The following GAK variants were observed in gnomAD, a reference collection of about 807,000 sequenced individuals.
GAK encodes the protein cyclin-G-associated kinase.
Under a neutral mutation model 143.9 loss-of-function variants are expected in GAK, and 79 were observed. The ratio of observed to expected loss-of-function variants is 0.55; its 90% confidence interval spans 0.46 to 0.66. GAK has a LOEUF of 0.66. Ranked by LOEUF, GAK falls within the 30% of genes least tolerant of loss-of-function variation. The probability of loss-of-function intolerance (pLI) is 0.00; values close to 1 mark genes in which losing one functional copy is unlikely to be tolerated. For synonymous variants in GAK, 881 were observed against 765.5 expected (o/e 1.15, Z -2.49); for missense variants, 1,693 against 1,779.7 (o/e 0.95, Z 0.88).
chr4:900,270 G>A lies in GAK; in HGVS notation c.526-2112C>T, dbSNP rs74611745. Among the ~76,000 whole-genome samples, 11 of 152,362 alleles carry A rather than the reference G, an allele frequency of 7.2e-5. No individual in the cohort carries two copies. The East Asian group carries it at 1.7e-3, about 24-fold the overall frequency. ...GAAGCTGTGCGCACAGCAGGACGAC[G>A]CACGGGGCAGGCGAGTGGGGCCACG... On this transcript the variant is annotated intron_variant, in intron 5 of 27. Coordinates refer to ENST00000314167, the MANE Select transcript of GAK (RefSeq NM_005255.4).
chr4:929,220 A>G (rs1725299315), intron 1 of GAK, among the ~76,000 whole-genome samples: 1 of 152,186 alleles, frequency 6.6e-6, no homozygotes, highest in Admixed American at 6.5e-5. Context: ...AAGGCTCCTG[A>G]GCGGGCCCAG....
At chr4:876,673 C>T in intron 17 of GAK, 64 bp from the exon 18 acceptor site, 1 of 1,383,678 alleles carries the variant, frequency 7.2e-7, no homozygotes, top group Non-Finnish European at 1.0e-6. Flanking sequence ...GGCCACAGGC[C>T]AATTTTTCCC....
At chr4:878,119 G>A (rs535787625) in intron 15 of GAK, among the ~76,000 whole-genome samples, 13 of 151,760 alleles carry the variant, frequency 8.6e-5, no homozygotes, top group Non-Finnish European at 1.3e-4. Context: ...GGCCAGGCGC[G>A]GTGGCTCACG....
chr4:865,760 C>A (rs11936594), intron 22 of GAK, among the ~76,000 whole-genome samples: 37,843 of 152,226 alleles, frequency 0.25, 4,837 homozygotes, highest in Non-Finnish European at 0.27. Context: ...ACCATCATCA[C>A]CCCAGAGTAC....
At chr4:878,393 C>G (rs1714427339) in intron 15 of GAK, among the ~76,000 whole-genome samples, 1 of 152,146 alleles carries the variant, frequency 6.6e-6, no homozygotes, top group Non-Finnish European at 1.5e-5. Flanking sequence ...GGCCTGACAG[C>G]ATAGTTTGTC....
chr4:908,118 G>C (rs988476347), intron 4 of GAK, among the ~76,000 whole-genome samples: 1 of 152,192 alleles, frequency 6.6e-6, no homozygotes, highest in Admixed American at 6.5e-5. Flanking sequence ...CCCTCGCAAA[G>C]GCTTTCTGAT....
At chr4:888,812 G>C in intron 11 of GAK, 35 bp downstream of exon 11, 4 of 1,581,858 alleles carry the variant, frequency 2.5e-6, no homozygotes, top group Non-Finnish European at 1.7e-6. Flanking sequence ...GAACGAGCGT[G>C]CGGCAGGTCC....
intron 1 of GAK, among the ~76,000 whole-genome samples, chr4:917,529 A>G (rs929193740): frequency 6.6e-6 from 1 of 152,292 alleles, no homozygotes; most frequent in African/African-American, 2.4e-5. Context: ...GGCCAAAAAA[A>G]GAGAGTACAT....
At chr4:884,772 G>A (rs1206489315) in intron 11 of GAK, among the ~76,000 whole-genome samples, 2 of 152,242 alleles carry the variant, frequency 1.3e-5, no homozygotes, top group African/African-American at 2.4e-5. Context: ...AGGAGCAGAA[G>A]GGAGCCTCCC....
Position 897,842 on chromosome 4 carries a change from G to A in GAK, c.651+191C>T, listed in dbSNP as rs181927003. ...TGTGTGCCTGTAACCCCAGCTACTCGGGAGGCAGAGGCAGAAGAATCGCTT... is the reference window on the plus strand; with the variant it reads ...TGTGTGCCTGTAACCCCAGCTACTCAGGAGGCAGAGGCAGAAGAATCGCTT... On this transcript the variant is annotated intron_variant, in intron 6 of 27. Coordinates refer to ENST00000314167, the MANE Select transcript of GAK (RefSeq NM_005255.4). 9.9e-4 allele frequency: 523 copies of A among 525,754 alleles called. 2 individuals carry two copies. The highest frequency in any genetic ancestry group is 2.9e-3 in the Admixed American group (80 of 27,484). The allele number at this position is 525,754 out of a possible 1,614,324, so 32.6% of individuals were successfully genotyped here.
At chr4:869,605 TACAC>T (rs1337451271) in intron 19 of GAK, 1 of 44,202 alleles carries the variant, frequency 2.3e-5, no homozygotes, top group African/African-American at 9.7e-5. Context: ...ACACAGCACA[TACAC>T]ACATGCAGGG....
intron 15 of GAK, 125 bp downstream of exon 15, chr4:881,782 G>A (rs1430943245): frequency 1.6e-6 from 2 of 1,217,990 alleles, no homozygotes; most frequent in East Asian, 2.6e-5. Flanking sequence ...CGCGAGGCCG[G>A]GCCTGCCTTT....
At chr4:916,571 A>AG (rs1436718562) in intron 1 of GAK, among the ~76,000 whole-genome samples, 1 of 152,260 alleles carries the variant, frequency 6.6e-6, no homozygotes, top group Non-Finnish European at 1.5e-5. Context: ...ACATCACCAA[A>AG]GATATACTTG....
At chr4:898,615 A>G (rs1238586288) in intron 5 of GAK, among the ~76,000 whole-genome samples, 1 of 152,250 alleles carries the variant, frequency 6.6e-6, no homozygotes, top group African/African-American at 2.4e-5. Flanking sequence ...TAATCCCAGC[A>G]CTTTGGGAGG....
At chr4:849,833 G>GTGCCCCCCCCCCCCC in intron 27 of GAK, 59 bp from the exon 28 acceptor site, 1 of 1,190,152 alleles carries the variant, frequency 8.4e-7, no homozygotes, top group Non-Finnish European at 1.2e-6. Context: ...GGCGGGGCAG[G>GTGCCCCCCCCCCCCC]ACCCCCCCCC....
chr4:877,736 C>A lies in GAK; in HGVS notation c.1735G>T (p.Ala579Ser). 1 of 1,613,446 alleles carries A rather than the reference C, an allele frequency of 6.2e-7. No homozygotes were observed. The highest frequency in any genetic ancestry group is 8.5e-7 in the Non-Finnish European group (1 of 1,179,918). Reference protein sequence around the residue: ...TPHSKPILVRAVVMTPVPLFS... With the variant: ...TPHSKPILVRSVVMTPVPLFS... ...AGCGGCACGGGTGTCATGACCACGG[C>A]CCTCACCAGGATGGGCTTGCTGTGG... Residue 579 changes from alanine to serine, a missense_variant, in exon 16 of 28, where the codon GCC becomes TCC. Physicochemically the swap from Ala to Ser is moderately conservative, Grantham distance 99. Transcript: ENST00000314167.
chr4:898,226 A>G (rs1719178871), intron 5 of GAK, 68 bp from the exon 6 acceptor site: 5 of 1,584,498 alleles, frequency 3.2e-6, no homozygotes, highest in Non-Finnish European at 3.5e-6. Flanking sequence ...GGGAAAACGA[A>G]CGGGTGTGAG....
intron 1 of GAK, among the ~76,000 whole-genome samples, chr4:914,899 CCA>C (rs748954367): frequency 1.8e-4 from 24 of 133,328 alleles, no homozygotes; most frequent in South Asian, 5.2e-4. Context: ...GTGCACGGCC[CCA>C]CACACACACA....
chr4:849,836 C>CG, intron 27 of GAK, 56 bp downstream of exon 27: 2 of 944,722 alleles, frequency 2.1e-6, no homozygotes, highest in Non-Finnish European at 3.0e-6. Context: ...GGGGCAGGAC[C>CG]CCCCCCCCGC....
Sources: allele counts gnomAD v4.1 joint callset (sites outside exome capture counted in the v4.1 genomes callset), GRCh38; gene constraint gnomAD v4.1.1; transcripts MANE v1.5; gene names NCBI Gene and HGNC (gene_info 2026-07-23, HGNC 2026-07-21).